Variants in CIMIP6 observed in about 807,000 individuals in gnomAD.
CIMIP6 encodes uncharacterized protein C2orf73.
the CIMIP6 span, among the ~76,000 whole-genome samples, chr2:54,347,009 G>A: frequency 6.6e-6 from 1 of 152,188 alleles, no homozygotes; most frequent in Non-Finnish European, 1.5e-5. Flanking sequence ...CAAGGAGGTA[G>A]AGACACTCTC....
At chr2:54,366,594 G>A in the CIMIP6 span, among the ~76,000 whole-genome samples, 1 of 152,060 alleles carries the variant, frequency 6.6e-6, no homozygotes, top group Non-Finnish European at 1.5e-5. Flanking sequence ...TGAAACCACA[G>A]AATATCACAT....
At chr2:54,338,066 G>A in the CIMIP6 span, among the ~76,000 whole-genome samples, 1 of 152,112 alleles carries the variant, frequency 6.6e-6, no homozygotes, top group South Asian at 2.1e-4. Context: ...GCACCTGGGA[G>A]GTCAAGGCTG....
the CIMIP6 span, among the ~76,000 whole-genome samples, chr2:54,341,006 A>G: frequency 6.6e-6 from 1 of 152,198 alleles, no homozygotes; most frequent in Non-Finnish European, 1.5e-5. Context: ...AAAGTCCATC[A>G]GCCATTTCCT....
At chr2:54,340,933 C>T in the CIMIP6 span, among the ~76,000 whole-genome samples, 658 of 152,128 alleles carry the variant, frequency 4.3e-3, 6 homozygotes, top group African/African-American at 0.015. Context: ...CCACTATGCT[C>T]CAGCTTGGGT....
the CIMIP6 span, among the ~76,000 whole-genome samples, chr2:54,335,932 C>G: frequency 6.6e-6 from 1 of 152,136 alleles, no homozygotes; most frequent in African/African-American, 2.4e-5. Context: ...GACCCACTCT[C>G]CTGACTCTCT....
chr2:54,359,262 A>G, the CIMIP6 span, among the ~76,000 whole-genome samples: 11 of 152,218 alleles, frequency 7.2e-5, no homozygotes, highest in East Asian at 2.1e-3. Flanking sequence ...TGGTGGTGCC[A>G]CCTGTAGTCC....
the CIMIP6 span, chr2:54,360,250 A>G: frequency 1.2e-6 from 2 of 1,609,378 alleles, no homozygotes; most frequent in Non-Finnish European, 1.7e-6. Flanking sequence ...GCAGTAGGCC[A>G]ACAGTTCCTA....
the CIMIP6 span, chr2:54,361,239 A>G: frequency 6.6e-6 from 1 of 152,206 alleles, no homozygotes. Context: ...ACTTAATTCA[A>G]AGACATATGG....
At chr2:54,380,293 A>C in the CIMIP6 span, among the ~76,000 whole-genome samples, 12 of 152,198 alleles carry the variant, frequency 7.9e-5, no homozygotes, top group Non-Finnish European at 1.6e-4. Context: ...ACTCTTAGAC[A>C]CTAATGTATT....
the CIMIP6 span, among the ~76,000 whole-genome samples, chr2:54,355,831 T>C: frequency 6.6e-6 from 1 of 152,218 alleles, no homozygotes; most frequent in East Asian, 1.9e-4. Context: ...AGGATATTTG[T>C]TATGCTTATT....
At chr2:54,341,250 A>G in the CIMIP6 span, among the ~76,000 whole-genome samples, 2 of 152,192 alleles carry the variant, frequency 1.3e-5, no homozygotes, top group East Asian at 3.9e-4. Context: ...TTAAGGGGTG[A>G]CTAGGTCATG....
the CIMIP6 span, among the ~76,000 whole-genome samples, chr2:54,364,635 G>A: frequency 6.6e-6 from 1 of 152,124 alleles, no homozygotes; most frequent in Non-Finnish European, 1.5e-5. Context: ...TTAATTCCCA[G>A]ATGTTAACCA....
the CIMIP6 span, among the ~76,000 whole-genome samples, chr2:54,380,769 G>A: frequency 5.3e-5 from 8 of 152,062 alleles, no homozygotes; most frequent in Non-Finnish European, 1.0e-4. Context: ...ATACACATAC[G>A]CATGATTACA....
the CIMIP6 span, among the ~76,000 whole-genome samples, chr2:54,380,010 T>G: frequency 7.3e-5 from 11 of 149,876 alleles, no homozygotes; most frequent in African/African-American, 1.2e-4. Context: ...TGGTGTGGTG[T>G]TGTGCACCTC....
the CIMIP6 span, among the ~76,000 whole-genome samples, chr2:54,373,176 A>G: frequency 6.6e-6 from 1 of 152,132 alleles, no homozygotes; most frequent in African/African-American, 2.4e-5. Context: ...AGGGCTCCCC[A>G]TGGCTGCTTG....
chr2:54,371,373 G>C, the CIMIP6 span, among the ~76,000 whole-genome samples: 2 of 152,192 alleles, frequency 1.3e-5, no homozygotes, highest in African/African-American at 4.8e-5. Context: ...GGGTCTTTAG[G>C]GGGAAGGCAG....
chr2:54,342,522 T>A, the CIMIP6 span, among the ~76,000 whole-genome samples: 1 of 152,146 alleles, frequency 6.6e-6, no homozygotes, highest in African/African-American at 2.4e-5. Flanking sequence ...AATTATTTTT[T>A]AAATCTAATG....
At chr2:54,372,201 G>T in the CIMIP6 span, among the ~76,000 whole-genome samples, 1 of 152,168 alleles carries the variant, frequency 6.6e-6, no homozygotes, top group Non-Finnish European at 1.5e-5. Flanking sequence ...CTATGCAGTG[G>T]AGCCGATCTT....
chr2:54,345,097 A>AT, the CIMIP6 span, among the ~76,000 whole-genome samples: 1 of 152,152 alleles, frequency 6.6e-6, no homozygotes, highest in African/African-American at 2.4e-5. Flanking sequence ...AGGCAAAATT[A>AT]TTTTTTAACA....
Sources: gnomAD v4.1 joint callset for allele counts (sites outside exome capture counted in the v4.1 genomes callset) on GRCh38, gnomAD v4.1.1 for gene constraint, MANE v1.5 for transcripts, NCBI Gene and HGNC (gene_info 2026-07-23, HGNC 2026-07-21) for gene names.